Variants in DDX59 observed in about 807,000 individuals in gnomAD.
DDX59 encodes the protein DEAD-box helicase 59, also known as probable ATP-dependent RNA helicase DDX59.
Under a neutral mutation model 51.9 loss-of-function variants are expected in DDX59, and 30 were observed. The observed-to-expected ratio is 0.58, with a 90% CI of 0.43 to 0.78. The LOEUF is 0.78. Among genes scored for constraint, DDX59 ranks in the 30% least tolerant of loss-of-function variants. DDX59 has a pLI of 0.00. For synonymous variants in DDX59, 255 were observed against 253.3 expected, an observed-to-expected ratio of 1.01 and a Z score of -0.06; for missense variants, 672 against 730.8, an observed-to-expected ratio of 0.92 and a Z score of 0.93.
intron 4 of DDX59, among the ~76,000 whole-genome samples, chr1:200,657,556 T>C (rs941214665): frequency 3.9e-5 from 6 of 152,088 alleles, no homozygotes; most frequent in Admixed American, 3.3e-4. Context: ...GAGACCATCC[T>C]GGCTAACACA....
downstream of DDX59, among the ~76,000 whole-genome samples, chr1:200,643,621 C>T (rs772419728): frequency 6.6e-5 from 10 of 151,922 alleles, no homozygotes; most frequent in African/African-American, 2.2e-4. Context: ...CCAGCCTGGG[C>T]GACAGAGCGA....
Position 200,666,343 on chromosome 1 carries a change from G to A in DDX59, c.398C>T (p.Ala133Val), listed in dbSNP as rs186153048. The change falls in exon 2 of 8, where the codon GCG (alanine) becomes GTG (valine). Residue 133 changes from alanine to valine, a missense_variant. Transcript: ENST00000331314. Reference protein sequence around the residue: ...DEDVCSLECKAKHLLQVKEKE... With the variant: ...DEDVCSLECKVKHLLQVKEKE... ...TTCCTTAACTTGTAGAAGATGTTTC[G>A]CTTTACACTCCAAACTACACACATC... 60 of 1,614,084 alleles carry A rather than the reference G, an allele frequency of 3.7e-5. No homozygotes were observed. Among genetic ancestry groups the A allele is most frequent in the Non-Finnish European group, 4.5e-5 (53 of 1,180,016 alleles).
At chr1:200,661,319 T>C (rs186766129) in intron 3 of DDX59, among the ~76,000 whole-genome samples, 4 of 152,252 alleles carry the variant, frequency 2.6e-5, no homozygotes, top group Admixed American at 2.6e-4. Flanking sequence ...ATTCAAAGTG[T>C]GGTGAAGAAT....
At chr1:200,655,237 T>C (rs1661941839) in intron 4 of DDX59, 1 of 152,218 alleles carries the variant, frequency 6.6e-6, no homozygotes, top group South Asian at 2.1e-4. Context: ...ACAACTATAA[T>C]TGATGGAGTC....
Position 200,648,453 on chromosome 1 carries a change from C to G in DDX59, c.1582G>C (p.Glu528Gln). 1 of 1,614,084 alleles carries G rather than the reference C, an allele frequency of 6.2e-7. No individual in the cohort carries two copies. The highest frequency in any genetic ancestry group is 8.5e-7 in the Non-Finnish European group (1 of 1,179,990). Residue 528 changes from glutamate to glutamine, a missense_variant, in exon 7 of 8, where the codon GAG (glutamate) becomes CAG (glutamine). Coordinates refer to ENST00000331314, the MANE Select transcript of DDX59 (RefSeq NM_001031725.6). Reference protein sequence around the residue: ...VNFDMPSSMDEYVHQIGRVGR... With the variant: ...VNFDMPSSMDQYVHQIGRVGR... ...AAGCTCCTTACCTGATGGACATACT[C>G]ATCCATACTTGAAGGCATATCAAAA...
At chr1:200,660,864 G>A (rs948812093) in intron 3 of DDX59, among the ~76,000 whole-genome samples, 1 of 152,158 alleles carries the variant, frequency 6.6e-6, no homozygotes, top group Non-Finnish European at 1.5e-5. Flanking sequence ...ATTCAAGTCT[G>A]CAAAGATTTT....
intron 3 of DDX59, 28 bp downstream of exon 3, chr1:200,663,891 A>G (rs773618938): frequency 1.3e-5 from 20 of 1,511,462 alleles, no homozygotes; most frequent in Non-Finnish European, 1.6e-5. Context: ...AAAACTTTTC[A>G]AAGACATTGT....
At chr1:200,663,364 A>G (rs1328440497) in intron 3 of DDX59, among the ~76,000 whole-genome samples, 1 of 152,196 alleles carries the variant, frequency 6.6e-6, no homozygotes, top group Non-Finnish European at 1.5e-5. Context: ...CACCCATTCA[A>G]ACTCAAGAAA....
chr1:200,645,999 G>A (rs1661270207), intron 7 of DDX59, among the ~76,000 whole-genome samples: 1 of 152,120 alleles, frequency 6.6e-6, no homozygotes, highest in Non-Finnish European at 1.5e-5. Context: ...AGAAAAACAA[G>A]TAGAAATAAA....
chr1:200,651,036 TA>T (rs1371461319), intron 4 of DDX59, among the ~76,000 whole-genome samples: 3 of 151,650 alleles, frequency 2.0e-5, no homozygotes, highest in Admixed American at 1.3e-4. Flanking sequence ...ATTGCTAGGT[TA>T]AAAAAAAGCA....
chr1:200,656,688 T>C (rs1309345830), intron 4 of DDX59, among the ~76,000 whole-genome samples: 1 of 152,172 alleles, frequency 6.6e-6, no homozygotes, highest in Non-Finnish European at 1.5e-5. Flanking sequence ...CCTTGTACCA[T>C]AATGGTGAGC....
intron 2 of DDX59, among the ~76,000 whole-genome samples, chr1:200,664,334 C>A (rs890756452): frequency 2.0e-5 from 3 of 152,088 alleles, no homozygotes; most frequent in Non-Finnish European, 2.9e-5. Flanking sequence ...TCCACAGTAA[C>A]CAAGGTGAGA....
chr1:200,655,894 G>A (rs959078173), intron 4 of DDX59, among the ~76,000 whole-genome samples: 7 of 151,414 alleles, frequency 4.6e-5, no homozygotes, highest in African/African-American at 9.7e-5. Flanking sequence ...GCAATGGCAC[G>A]ATCTTGGCTC....
At chr1:200,649,941 C>G (rs1045328016) in intron 5 of DDX59, among the ~76,000 whole-genome samples, 19 of 151,184 alleles carry the variant, frequency 1.3e-4, no homozygotes, top group Non-Finnish European at 5.9e-5. Context: ...CTCCCAGATT[C>G]ACACCATTCT....
downstream of DDX59, among the ~76,000 whole-genome samples, chr1:200,643,199 T>C (rs576697241): frequency 4.0e-5 from 6 of 151,812 alleles, no homozygotes; most frequent in East Asian, 1.9e-4. Context: ...GGTGGGAGGA[T>C]TGTTGGAGCC....
intron 4 of DDX59, 81 bp from the exon 5 acceptor site, chr1:200,650,757 C>T (rs1039456504): frequency 6.8e-5 from 87 of 1,270,580 alleles, no homozygotes; most frequent in Admixed American, 1.2e-4. Flanking sequence ...ATATAATTAA[C>T]AATATAAAAA....
chr1:200,642,625 A>G (rs897003678), downstream of DDX59, among the ~76,000 whole-genome samples: 1 of 152,220 alleles, frequency 6.6e-6, no homozygotes, highest in Non-Finnish European at 1.5e-5. Context: ...TGAGAAGCAG[A>G]AGTCAAGATT....
chr1:200,645,608 AGTAT>A, intron 7 of DDX59, among the ~76,000 whole-genome samples: 1 of 152,202 alleles, frequency 6.6e-6, no homozygotes, highest in Non-Finnish European at 1.5e-5. Context: ...AAATTTATGG[AGTAT>A]CAATAAGGCA....
intron 4 of DDX59, 50 bp from the exon 5 acceptor site, chr1:200,650,726 A>G (rs2102858820): frequency 2.0e-6 from 3 of 1,469,904 alleles, no homozygotes; most frequent in East Asian, 4.6e-5. Context: ...TAAAACCCAG[A>G]ACCACCCCCA....
Sources: allele counts gnomAD v4.1 joint callset (sites outside exome capture counted in the v4.1 genomes callset), GRCh38; gene constraint gnomAD v4.1.1; transcripts MANE v1.5; gene names NCBI Gene and HGNC (gene_info 2026-07-23, HGNC 2026-07-21).